Variants in RBMS2 observed in about 807,000 individuals in gnomAD.
The protein encoded by RBMS2 is RNA binding motif single stranded interacting protein 2, also known as RNA-binding motif, single-stranded-interacting protein 2.
RBMS2 carries 38 observed loss-of-function variants against 58.4 expected under a neutral mutation model. The ratio of observed to expected loss-of-function variants is 0.65; its 90% CI spans 0.50 to 0.85. The LOEUF (loss-of-function observed/expected upper bound fraction) is 0.85, where lower values mean the gene tolerates loss of function less well. Among genes scored for constraint, RBMS2 ranks in the 40% least tolerant of loss-of-function variants. RBMS2 has a pLI of 0.00. For synonymous variants in RBMS2, 151 were observed against 180.7 expected (o/e 0.84, Z 1.32); for missense variants, 367 against 503.7 (o/e 0.73, Z 2.60).
At chr12:56,526,128 G>A (rs1229228433) in intron 1 of RBMS2, among the ~76,000 whole-genome samples, 3 of 151,672 alleles carry the variant, frequency 2.0e-5, no homozygotes, top group African/African-American at 7.3e-5. Flanking sequence ...CCAACATGGT[G>A]AAACCCCGTC....
intron 1 of RBMS2, among the ~76,000 whole-genome samples, chr12:56,525,821 C>T (rs2136230386): frequency 6.6e-6 from 1 of 151,906 alleles, no homozygotes; most frequent in Non-Finnish European, 1.5e-5. Flanking sequence ...ACCACCACGC[C>T]TGGCTAATTT....
intron 5 of RBMS2, among the ~76,000 whole-genome samples, chr12:56,575,018 G>A (rs1029360163): frequency 9.2e-5 from 14 of 151,842 alleles, no homozygotes; most frequent in African/African-American, 3.4e-4. Flanking sequence ...CGTGGTGGCG[G>A]GCGCCTGTAG....
intron 5 of RBMS2, chr12:56,573,094 A>T: frequency 1.2e-5 from 12 of 976,048 alleles, no homozygotes; most frequent in Non-Finnish European, 1.5e-5. Context: ...GACTGGACTA[A>T]GTGAGCCAAG....
At chr12:56,570,810 G>A (rs185515029) in intron 4 of RBMS2, among the ~76,000 whole-genome samples, 65 of 152,182 alleles carry the variant, frequency 4.3e-4, no homozygotes, top group African/African-American at 1.4e-3. Context: ...ATCTCCTGAC[G>A]TTGTGATCCG....
intron 4 of RBMS2, among the ~76,000 whole-genome samples, chr12:56,570,410 TG>T (rs1218890068): frequency 6.6e-6 from 1 of 152,112 alleles, no homozygotes; most frequent in Non-Finnish European, 1.5e-5. Flanking sequence ...CCATACGGGC[TG>T]GGTAGTGGGC....
intron 5 of RBMS2, among the ~76,000 whole-genome samples, chr12:56,577,820 C>A (rs1353908558): frequency 6.6e-6 from 1 of 151,910 alleles, no homozygotes; most frequent in Non-Finnish European, 1.5e-5. Context: ...GTAGCCGGGA[C>A]CACTGGCACA....
chr12:56,589,338 G>A lies in RBMS2; in HGVS notation c.*205G>A, dbSNP rs993766596. On this transcript the variant is annotated 3_prime_UTR_variant, in exon 14 of 14. Coordinates refer to ENST00000262031, the MANE Select transcript of RBMS2 (RefSeq NM_002898.4). ...CCCTTTACTATTGCTGATGGAGCCT[G>A]GGGGAACCATCACTTTTTTTGTGTG... 70 of 1,244,272 alleles carry A rather than the reference G, an allele frequency of 5.6e-5. No homozygotes were observed. The highest frequency in any genetic ancestry group is 7.2e-5 in the Non-Finnish European group (70 of 971,738). 77.1% of individuals were successfully genotyped at this position (1,244,272 alleles called of 1,614,324 possible). A position where few individuals can be genotyped will look rare whatever the true frequency, so the allele number is the denominator to read the frequency against.
intron 9 of RBMS2, among the ~76,000 whole-genome samples, chr12:56,584,009 A>G (rs562970050): frequency 6.6e-6 from 1 of 152,366 alleles, no homozygotes; most frequent in East Asian, 1.9e-4. Flanking sequence ...CACCACACCC[A>G]GTTCCTGGTT....
chr12:56,546,060 C>T (rs1425694629), intron 1 of RBMS2, among the ~76,000 whole-genome samples: 1 of 150,888 alleles, frequency 6.6e-6, no homozygotes, highest in Non-Finnish European at 1.5e-5. Context: ...CCCCACCTTC[C>T]GAGTAGTTGG....
intron 1 of RBMS2, among the ~76,000 whole-genome samples, chr12:56,537,494 C>T (rs10783790): frequency 0.6 from 90,634 of 152,010 alleles, 27,433 homozygotes; most frequent in East Asian, 0.81. Context: ...TCGTGGTTCA[C>T]CTATGTTGTA....
chr12:56,532,925 TA>T (rs1555187490), intron 1 of RBMS2, among the ~76,000 whole-genome samples: 1 of 56,596 alleles, frequency 1.8e-5, no homozygotes, highest in African/African-American at 3.6e-5. Context: ...TCTTGCTTTT[TA>T]TTTTATTTTA....
At chr12:56,540,050 T>G (rs938620837) in intron 1 of RBMS2, among the ~76,000 whole-genome samples, 1 of 152,194 alleles carries the variant, frequency 6.6e-6, no homozygotes, top group Non-Finnish European at 1.5e-5. Flanking sequence ...CTAATGAAAA[T>G]AGGCCACAGC....
chr12:56,582,167 G>GA lies in RBMS2; in HGVS notation c.873+20dup. 1 of 1,567,584 alleles carries GA rather than the reference G, an allele frequency of 6.4e-7. No individual in the cohort carries two copies. The highest frequency in any genetic ancestry group is 1.1e-5 in the South Asian group (1 of 87,992). ...CTTCGTATCAGGTATGTTCATGCCT[G>GA]AAAAATGGTGTGGTGGTTTTCCCTA... On this transcript the variant is annotated intron_variant, in intron 9 of 13. Coordinates refer to ENST00000262031, the MANE Select transcript of RBMS2 (RefSeq NM_002898.4).
intron 1 of RBMS2, among the ~76,000 whole-genome samples, chr12:56,556,046 TAAAAA>T (rs57399884): frequency 4.3e-5 from 6 of 138,642 alleles, no homozygotes; most frequent in African/African-American, 1.6e-4. Flanking sequence ...CTCTGTGTCT[TAAAAA>T]AAAAAAAAAG....
intron 1 of RBMS2, among the ~76,000 whole-genome samples, chr12:56,537,273 A>G (rs1277509106): frequency 6.6e-6 from 1 of 152,128 alleles, no homozygotes; most frequent in Non-Finnish European, 1.5e-5. Context: ...GTGCATTTAC[A>G]TTGTTGTGCA....
intron 2 of RBMS2, among the ~76,000 whole-genome samples, chr12:56,564,182 C>T (rs549985060): frequency 6.7e-6 from 1 of 150,302 alleles, no homozygotes; most frequent in South Asian, 2.1e-4. Flanking sequence ...GAACTCCTGA[C>T]CAGGTGATCT....
intron 5 of RBMS2, chr12:56,572,984 C>A: frequency 1.0e-6 from 1 of 979,360 alleles, no homozygotes; most frequent in Non-Finnish European, 1.2e-6. Flanking sequence ...GTATCAGCCT[C>A]CCTTAGCCCA....
In RBMS2 at chr12:56,530,350, CTTTTTTTTTTTTT is replaced by C. The variant is rs71081373; in HGVS notation, c.66+8277_66+8289del. ...CTGTCAAGAGAGAATTTTCTTTTTCCTTTTTTTTTTTTTTTTTTTTTTTTTTTTGAGGCAGGGT... is the reference window on the plus strand; with the variant it reads ...CTGTCAAGAGAGAATTTTCTTTTTCCTTTTTTTTTTTTTTTGAGGCAGGGT... On this transcript the variant is annotated intron_variant, in intron 1 of 13. Coordinates refer to ENST00000262031, the MANE Select transcript of RBMS2 (RefSeq NM_002898.4). Among the ~76,000 whole-genome samples, 5 of 63,774 alleles carry C rather than the reference CTTTTTTTTTTTTT, an allele frequency of 7.8e-5. No individual in the cohort carries two copies. The Admixed American group carries it at 1.1e-3, about 14-fold the overall frequency. The allele number at this position is 63,774 out of a possible 152,430, so 41.8% of individuals were successfully genotyped here.
chr12:56,558,526 GCTTT>G (rs1370697700), intron 1 of RBMS2, among the ~76,000 whole-genome samples: 1 of 147,044 alleles, frequency 6.8e-6, no homozygotes, highest in Admixed American at 6.8e-5. Flanking sequence ...TACTAAAGTT[GCTTT>G]CTTTTTTTCC....
Sources: gnomAD v4.1 joint callset for allele counts (sites outside exome capture counted in the v4.1 genomes callset) on GRCh38, gnomAD v4.1.1 for gene constraint, MANE v1.5 for transcripts, NCBI Gene and HGNC (gene_info 2026-07-23, HGNC 2026-07-21) for gene names.